AHDC1: variants seen among roughly 807,000 people sequenced by gnomAD.
AHDC1 encodes transcription factor Gibbin.
A neutral mutation model predicts 87.9 loss-of-function variants in AHDC1; 7 were observed. The observed-to-expected ratio is 0.08, with a 90% CI of 0.05 to 0.15. AHDC1 has a LOEUF of 0.15. Among genes scored for constraint, AHDC1 ranks in the 10% least tolerant of loss-of-function variants. AHDC1 has a pLI of 1.00. For missense variants in AHDC1, 1,841 were observed against 2,253.2 expected (o/e 0.82, Z 3.70); for synonymous variants, 1,051 against 1,006.8 (o/e 1.04, Z -0.83).
Position 27,550,476 on chromosome 1 carries a change from C to T in AHDC1, c.1640G>A (p.Arg547His). Residue 547 changes from arginine (R) to histidine (H), a missense_variant, in exon 8 of 9, where the codon CGC (arginine) becomes CAC (histidine). This residue lies in a region of AHDC1 where 12 missense variants were observed against 51.7 expected (regional missense o/e 0.23). Coordinates refer to ENST00000673934, the MANE Select transcript of AHDC1 (RefSeq NM_001371928.1). ...GEMPIILKRK[R>H]GRPPKNLLLG... The stretch of plus-strand genomic sequence containing the variant: ...CAGCAGGTTCTTAGGAGGGCGGCCG[C>T]GCTTACGTTTGAGAATAATGGGCAT... 6.2e-7 allele frequency: 1 copy of T among 1,605,620 alleles called. No homozygotes were observed. Among genetic ancestry groups the T allele is most frequent in the Non-Finnish European group, 8.5e-7 (1 of 1,173,804 alleles).
At chr1:27,572,944 GCACA>G (rs1397053936) in intron 3 of AHDC1, among the ~76,000 whole-genome samples, 3 of 152,220 alleles carry the variant, frequency 2.0e-5, no homozygotes, top group South Asian at 4.1e-4. Flanking sequence ...TCCCCTAGAA[GCACA>G]CAGTCTCACA....
Position 27,562,175 on chromosome 1 carries a change from G to A in AHDC1, c.-628-3292C>T, listed in dbSNP as rs1295542746. On this transcript the variant is annotated intron_variant, in intron 3 of 8. Coordinates refer to ENST00000673934, the MANE Select transcript of AHDC1 (RefSeq NM_001371928.1). The surrounding 1 kb of genome is among the most constrained non-coding windows in gnomAD (Gnocchi z 4.4). ...TGGGCAGTAGACAGGCCAGAGCTGG[G>A]ATGTGTGGGCAGGGGGAGTGGACGC... Among the ~76,000 whole-genome samples the A allele has an allele frequency of 6.6e-6, 1 of 152,136 alleles. No homozygotes were observed. The highest frequency in any genetic ancestry group is 1.5e-5 in the Non-Finnish European group (1 of 68,004).
rs1216699386 is a variant in AHDC1, at chr1:27,551,917, G to A, written c.199C>T (p.Arg67Trp). Residue 67 changes from arginine to tryptophan, a missense_variant, in exon 8 of 9, where the codon CGG (arginine) becomes TGG (tryptophan). Coordinates refer to ENST00000673934, the MANE Select transcript of AHDC1 (RefSeq NM_001371928.1). Reference protein sequence around the residue: ...FSENPRPPPRRDPSTRRPPVL... With the variant: ...FSENPRPPPRWDPSTRRPPVL... ...GGTGGGCGCCGGGTGCTGGGGTCCCGGCGTGGGGGTGGGCGTGGGTTCTCG... is the reference window on the plus strand; with the variant it reads ...GGTGGGCGCCGGGTGCTGGGGTCCCAGCGTGGGGGTGGGCGTGGGTTCTCG... 5.1e-6 allele frequency: 8 copies of A among 1,583,208 alleles called. No homozygotes were observed. The highest frequency in any genetic ancestry group is 2.3e-5 in the East Asian group (1 of 44,396).
At chr1:27,588,755 G>C (rs1298153683) in intron 3 of AHDC1, among the ~76,000 whole-genome samples, 1 of 152,160 alleles carries the variant, frequency 6.6e-6, no homozygotes, top group Non-Finnish European at 1.5e-5. Flanking sequence ...AGGGAAGTAT[G>C]CAAACATGTA....
Position 27,590,972 on chromosome 1 carries a change from T to C in AHDC1, c.-629+12425A>G, listed in dbSNP as rs969032907. On this transcript the variant is annotated intron_variant, in intron 3 of 8. Transcript: ENST00000673934. The surrounding 1 kb of genome is among the most constrained non-coding windows in gnomAD (Gnocchi z 5.4). ...TGAGGAGGAGAAACGAGATGCTCCA[T>C]GATTTATGAGCCTAATTCTTTTCCC... is the stretch of plus-strand genomic sequence containing the variant. Among the ~76,000 whole-genome samples the C allele has an allele frequency of 6.6e-6, 1 of 152,148 alleles. No homozygotes were observed. Among genetic ancestry groups the C allele is most frequent in the Non-Finnish European group, 1.5e-5 (1 of 68,022 alleles).
chr1:27,599,727 T>C (rs2089478724), intron 3 of AHDC1, among the ~76,000 whole-genome samples: 1 of 151,978 alleles, frequency 6.6e-6, no homozygotes, highest in Non-Finnish European at 1.5e-5. Context: ...TGACAACCTG[T>C]AGGGTGCAGT....
chr1:27,542,401 C>T (rs968578495), intron 8 of AHDC1, among the ~76,000 whole-genome samples: 4 of 152,136 alleles, frequency 2.6e-5, no homozygotes, highest in Non-Finnish European at 5.9e-5. Flanking sequence ...GGAGCACAGG[C>T]GAGGGAGGGC....
chr1:27,551,941 C>T lies in AHDC1; in HGVS notation c.175G>A (p.Glu59Lys), dbSNP rs773887305. Residue 59 changes from glutamate to lysine, a missense_variant, in exon 8 of 9, where the codon GAG (glutamate) becomes AAG (lysine). Physicochemically the swap from Glu to Lys is moderately conservative, Grantham distance 56. Coordinates refer to ENST00000673934, the MANE Select transcript of AHDC1 (RefSeq NM_001371928.1). Reference protein sequence around the residue: ...DKAFSTHAFSENPRPPPRRDP... With the variant: ...DKAFSTHAFSKNPRPPPRRDP... Reference sequence around the variant, plus strand: ...CGGCGTGGGGGTGGGCGTGGGTTCTCGGAGAAGGCGTGGGTGGAGAAGGCC... The same window carrying T: ...CGGCGTGGGGGTGGGCGTGGGTTCTTGGAGAAGGCGTGGGTGGAGAAGGCC... 7 of 1,497,242 alleles carry T rather than the reference C, an allele frequency of 4.7e-6. No homozygotes were observed. The highest frequency in any genetic ancestry group is 6.3e-6 in the Non-Finnish European group (7 of 1,117,320). 92.7% of individuals were successfully genotyped at this position (1,497,242 alleles called of 1,614,324 possible).
At position 27,561,466 on chromosome 1, in the gene AHDC1, G is replaced by A. The variant is rs1348842086; in HGVS notation, c.-628-2583C>T. 6.6e-6 allele frequency among the ~76,000 whole-genome samples: 1 copy of A among 152,188 alleles called. No individual in the cohort carries two copies. The highest frequency in any genetic ancestry group is 6.5e-5 in the Admixed American group (1 of 15,284). ...CTTCCAACAGTGCCCACACAGGCTG[G>A]GGGAGCTGCTGGGAGGCAGAGGACA... is the stretch of plus-strand genomic sequence containing the variant. On this transcript the variant is annotated intron_variant, in intron 3 of 8. Coordinates refer to ENST00000673934, the MANE Select transcript of AHDC1 (RefSeq NM_001371928.1). This position sits in a 1 kb window ranked among gnomAD's most constrained non-coding sequence, Gnocchi z 4.2.
chr1:27,549,022 G>A lies in AHDC1; in HGVS notation c.3094C>T (p.Pro1032Ser), dbSNP rs1326283405. ...CTGCTGAAGAAGGAGGCCTTGCTTG[G>A]TGGCAGGCAGGGGCCCCCGGTAGGC... Reference protein sequence around the residue: ...PPPTGGPCLPPSKASFFSSSE... With the variant: ...PPPTGGPCLPSSKASFFSSSE... The change falls in exon 8 of 9, where the codon CCA becomes TCA. Residue 1032 changes from proline to serine, a missense_variant. Transcript: ENST00000673934. 5 of 1,576,348 alleles carry A rather than the reference G, an allele frequency of 3.2e-6. No individual in the cohort carries two copies. Among genetic ancestry groups the A allele is most frequent in the Non-Finnish European group, 4.3e-6 (5 of 1,160,206 alleles).
chr1:27,559,236 TG>T (rs756189154), intron 3 of AHDC1, among the ~76,000 whole-genome samples: 1 of 151,590 alleles, frequency 6.6e-6, no homozygotes, highest in Non-Finnish European at 1.5e-5. Context: ...TTAAATTTTT[TG>T]TAGGGACAGG....
Position 27,550,864 on chromosome 1 carries a change from T to G in AHDC1, c.1252A>C (p.Met418Leu). ...GPEGRLLPLP[M>L]PTGLVAALAE... Reference sequence around the variant, plus strand: ...AGGGCAGCCACCAGCCCCGTGGGCATAGGCAGGGGCAGTAGGCGGCCCTCG... The same window carrying G: ...AGGGCAGCCACCAGCCCCGTGGGCAGAGGCAGGGGCAGTAGGCGGCCCTCG... Residue 418 changes from methionine (M) to leucine (L), a missense_variant, in exon 8 of 9, where the codon ATG (methionine) becomes CTG (leucine). Physicochemically the swap from Met to Leu is conservative, Grantham distance 15 (BLOSUM62 2). Coordinates refer to ENST00000673934, the MANE Select transcript of AHDC1 (RefSeq NM_001371928.1). 3 of 1,580,676 alleles carry G rather than the reference T, an allele frequency of 1.9e-6. No homozygotes were observed. The highest frequency in any genetic ancestry group is 2.6e-6 in the Non-Finnish European group (3 of 1,167,786).
chr1:27,571,869 G>C (rs2088531964), intron 3 of AHDC1, among the ~76,000 whole-genome samples: 1 of 152,174 alleles, frequency 6.6e-6, no homozygotes, highest in East Asian at 1.9e-4. Flanking sequence ...TGTTCTGGGG[G>C]GACTGTTGCC....
At chr1:27,600,192 TG>T (rs1272771415) in intron 3 of AHDC1, among the ~76,000 whole-genome samples, 3 of 151,306 alleles carry the variant, frequency 2.0e-5, no homozygotes, top group South Asian at 2.1e-4. Flanking sequence ...CCCCCCTCCC[TG>T]GGGGGGGCCC....
chr1:27,535,949 T>C (rs1053542463), intron 8 of AHDC1, among the ~76,000 whole-genome samples: 1 of 151,862 alleles, frequency 6.6e-6, no homozygotes, highest in Admixed American at 6.6e-5. Flanking sequence ...CTCCAGTCAT[T>C]ATTAGCCTGG....
chr1:27,555,027 C>T (rs2019756446), intron 5 of AHDC1, among the ~76,000 whole-genome samples: 1 of 152,220 alleles, frequency 6.6e-6, no homozygotes, highest in Non-Finnish European at 1.5e-5. Context: ...AAGTCCAAAG[C>T]CTCCTTCCAC....
At position 27,536,640 on chromosome 1, in the gene AHDC1, G is replaced by A. The variant is rs112840557; in HGVS notation, c.*44-1724C>T. On this transcript the variant is annotated intron_variant, in intron 8 of 8. Transcript: ENST00000673934. ...CTGGGGTAACTGCTTGAGCCAGAGC[G>A]CTGGGGGCATCTATCCAGAGGACTG... is the stretch of plus-strand genomic sequence containing the variant. Among the ~76,000 whole-genome samples, 13 of 152,256 alleles carry A rather than the reference G, an allele frequency of 8.5e-5. 1 individual carries two copies. Among genetic ancestry groups the A allele is most frequent in the African/African-American group, 2.9e-4 (12 of 41,548 alleles).
chr1:27,572,377 G>A (rs1422619461), intron 3 of AHDC1, among the ~76,000 whole-genome samples: 1 of 152,110 alleles, frequency 6.6e-6, no homozygotes, highest in Non-Finnish European at 1.5e-5. Flanking sequence ...GAAGGGAAGA[G>A]GCACCCAAAA....
At chr1:27,559,772 C>A (rs1035306170) in intron 3 of AHDC1, among the ~76,000 whole-genome samples, 2 of 152,178 alleles carry the variant, frequency 1.3e-5, no homozygotes, top group African/African-American at 4.8e-5. Flanking sequence ...CTCCTCACCA[C>A]CCCCCTGCTT....
Sources: allele counts gnomAD v4.1 joint callset (sites outside exome capture counted in the v4.1 genomes callset), GRCh38; gene constraint gnomAD v4.1.1; regional missense constraint gnomAD v4.1.1; non-coding constraint Gnocchi (gnomAD v3.1); transcripts MANE v1.5; gene names NCBI Gene and HGNC (gene_info 2026-07-23, HGNC 2026-07-21).